CHRM2: variants seen among roughly 807,000 people sequenced by gnomAD.
The protein encoded by CHRM2 is muscarinic acetylcholine receptor M2.
In CHRM2, 8 loss-of-function variants were observed where a neutral mutation model predicts 25.0. The observed-to-expected ratio is 0.32, with a 90% CI of 0.19 to 0.58. The LOEUF is 0.58. Ranked by LOEUF, CHRM2 falls within the 20% of genes least tolerant of loss-of-function variation. The pLI is 0.88. For missense variants in CHRM2, 440 were observed against 567.1 expected (o/e 0.78, Z 2.28); for synonymous variants, 202 against 205.7 (o/e 0.98, Z 0.15).
chr7:136,903,870 C>T (rs1367517553), intron 2 of CHRM2, among the ~76,000 whole-genome samples: 1 of 151,598 alleles, frequency 6.6e-6, no homozygotes, highest in Admixed American at 6.6e-5. Flanking sequence ...AAGGAGATGA[C>T]CTTTATCAAA....
At chr7:137,002,297 A>T (rs1204155938) in intron 3 of CHRM2, among the ~76,000 whole-genome samples, 1 of 152,216 alleles carries the variant, frequency 6.6e-6, no homozygotes, top group Admixed American at 6.6e-5. Context: ...GCATATTTAT[A>T]GATCATGCTC....
At chr7:136,873,376 A>C (rs139189935) in intron 2 of CHRM2, among the ~76,000 whole-genome samples, 118 of 152,342 alleles carry the variant, frequency 7.7e-4, no homozygotes, top group African/African-American at 2.8e-3. Context: ...CCTTGGCATT[A>C]TTCTAAGCAT....
intron 2 of CHRM2, among the ~76,000 whole-genome samples, chr7:136,918,335 C>T (rs1040524729): frequency 9.9e-5 from 15 of 152,152 alleles, no homozygotes; most frequent in Non-Finnish European, 1.9e-4. Context: ...GAAATTGTGA[C>T]TTAAAATTAC....
At chr7:136,888,605 G>A (rs1796564381) in intron 2 of CHRM2, among the ~76,000 whole-genome samples, 1 of 152,162 alleles carries the variant, frequency 6.6e-6, no homozygotes, top group Non-Finnish European at 1.5e-5. Flanking sequence ...AGCTCAGGCT[G>A]TGTGTTGATG....
At chr7:136,936,606 CTCTG>C (rs976683246) in intron 2 of CHRM2, among the ~76,000 whole-genome samples, 1 of 91,028 alleles carries the variant, frequency 1.1e-5, no homozygotes, top group African/African-American at 2.8e-5. Flanking sequence ...ATGTACATGT[CTCTG>C]TCTGAGTTTT....
intron 2 of CHRM2, among the ~76,000 whole-genome samples, chr7:136,897,419 C>T (rs1796964200): frequency 6.6e-6 from 1 of 152,038 alleles, no homozygotes; most frequent in African/African-American, 2.4e-5. Flanking sequence ...ATTTTCAACT[C>T]ACACTTGTTC....
intron 2 of CHRM2, among the ~76,000 whole-genome samples, chr7:136,873,180 C>G (rs912433080): frequency 2.0e-5 from 3 of 152,176 alleles, no homozygotes; most frequent in Admixed American, 6.5e-5. Context: ...GCTTCCTGTA[C>G]CCACTCTGTC....
intron 2 of CHRM2, among the ~76,000 whole-genome samples, chr7:136,970,917 G>T (rs539706361): frequency 4.6e-5 from 7 of 152,264 alleles, no homozygotes; most frequent in African/African-American, 1.7e-4. Context: ...ATGAGATGGG[G>T]TGAATCAATG....
intron 2 of CHRM2, among the ~76,000 whole-genome samples, chr7:136,957,114 T>G (rs528915026): frequency 2.0e-5 from 3 of 152,352 alleles, no homozygotes; most frequent in African/African-American, 7.2e-5. Flanking sequence ...CACTTCACTT[T>G]GTGCTGGAAA....
chr7:136,881,883 C>T (rs1216947929), intron 2 of CHRM2, among the ~76,000 whole-genome samples: 1 of 152,008 alleles, frequency 6.6e-6, no homozygotes, highest in African/African-American at 2.4e-5. Context: ...CATCATCTTC[C>T]AATCTTCAGC....
intron 2 of CHRM2, chr7:136,899,066 C>CA (rs1478085603): frequency 2.6e-5 from 4 of 152,030 alleles, no homozygotes; most frequent in African/African-American, 7.2e-5. Context: ...AAACTTACCC[C>CA]AAAGGAATAT....
chr7:136,942,263 A>G (rs577779035), intron 2 of CHRM2, among the ~76,000 whole-genome samples: 1 of 152,132 alleles, frequency 6.6e-6, no homozygotes, highest in South Asian at 2.1e-4. Flanking sequence ...GCAGATGTGA[A>G]GCTCCAAGAA....
At chr7:136,887,949 C>T (rs1161471010) in intron 2 of CHRM2, among the ~76,000 whole-genome samples, 1 of 152,038 alleles carries the variant, frequency 6.6e-6, no homozygotes, top group Non-Finnish European at 1.5e-5. Flanking sequence ...AACCTCAGCT[C>T]GGGAATCTTT....
chr7:136,944,518 C>CGT (rs559720412), intron 2 of CHRM2, among the ~76,000 whole-genome samples: 6 of 151,538 alleles, frequency 4.0e-5, no homozygotes, highest in Admixed American at 1.3e-4. Flanking sequence ...TACATATATA[C>CGT]GTGTGTGTGT....
intron 2 of CHRM2, among the ~76,000 whole-genome samples, chr7:136,885,937 T>C (rs1427737996): frequency 6.6e-6 from 1 of 152,108 alleles, no homozygotes; most frequent in Non-Finnish European, 1.5e-5. Context: ...TTATTCTCAG[T>C]AGCTACAGCC....
At chr7:136,907,210 A>G (rs1797604811) in intron 2 of CHRM2, among the ~76,000 whole-genome samples, 1 of 151,910 alleles carries the variant, frequency 6.6e-6, no homozygotes, top group Non-Finnish European at 1.5e-5. Context: ...GTTTCCTAAC[A>G]GGCCATAAAC....
chr7:136,875,078 C>CACATATAT lies in CHRM2; in HGVS notation c.-125+5672_-125+5679dup, dbSNP rs888019290. Among the ~76,000 whole-genome samples the CACATATAT allele has an allele frequency of 2.0e-5, 3 of 148,428 alleles. No individual in the cohort carries two copies. The Admixed American group carries it at 2.0e-4, about 10-fold the overall frequency. ...GTGTGTGTATGTGTGTATATATATACACATATATACATATATACACATATA... is the reference window on the plus strand; with the variant it reads ...GTGTGTGTATGTGTGTATATATATACACATATATACATATATACATATATACACATATA... On this transcript the variant is annotated intron_variant, in intron 2 of 3. Transcript: ENST00000680005.
chr7:136,968,721 A>AAT (rs57962090), intron 2 of CHRM2, among the ~76,000 whole-genome samples: 49,242 of 142,140 alleles, frequency 0.35, 8,631 homozygotes, highest in Middle Eastern at 0.42. Flanking sequence ...TATTATCATA[A>AAT]ATATATATAT....
chr7:136,998,523 T>A (rs1477360750), intron 3 of CHRM2, among the ~76,000 whole-genome samples: 3 of 152,172 alleles, frequency 2.0e-5, no homozygotes, highest in African/African-American at 7.2e-5. Flanking sequence ...AAAATTAGAA[T>A]CCTAAGACTC....
Sources: allele counts gnomAD v4.1 joint callset (sites outside exome capture counted in the v4.1 genomes callset), GRCh38; gene constraint gnomAD v4.1.1; transcripts MANE v1.5; gene names NCBI Gene and HGNC (gene_info 2026-07-23, HGNC 2026-07-21).